DLG2: variants seen among roughly 807,000 people sequenced by gnomAD.
DLG2 encodes the protein disks large homolog 2.
In DLG2, 45 loss-of-function variants were observed where a neutral mutation model predicts 132.5. The ratio of observed to expected loss-of-function variants is 0.34; its 90% CI spans 0.27 to 0.44. The LOEUF (loss-of-function observed/expected upper bound fraction) is 0.44. DLG2 is among the 20% of genes least tolerant of loss of function. The probability of loss-of-function intolerance (pLI) is 1.00; values close to 1 mark genes in which losing one functional copy is unlikely to be tolerated. For synonymous variants in DLG2, 424 were observed against 419.6 expected, an observed-to-expected ratio of 1.01 and a Z score of -0.13; for missense variants, 1,045 against 1,196.9, an observed-to-expected ratio of 0.87 and a Z score of 1.87.
intron 18 of DLG2, among the ~76,000 whole-genome samples, chr11:83,655,862 A>C (rs2072243176): frequency 6.6e-6 from 1 of 152,204 alleles, no homozygotes; most frequent in Admixed American, 6.5e-5. Context: ...AATTGCTGTC[A>C]CATACTGTTT....
At chr11:84,235,165 C>T (rs1305635034) in intron 8 of DLG2, among the ~76,000 whole-genome samples, 1 of 152,134 alleles carries the variant, frequency 6.6e-6, no homozygotes, top group Non-Finnish European at 1.5e-5. Flanking sequence ...GAAAGCCCAC[C>T]CCCTACTCTC....
chr11:83,852,926 C>G (rs935164266), intron 16 of DLG2, among the ~76,000 whole-genome samples: 1 of 152,180 alleles, frequency 6.6e-6, no homozygotes, highest in Non-Finnish European at 1.5e-5. Flanking sequence ...GCCCTTAGAG[C>G]AGAGGTTAGC....
chr11:84,868,757 T>A (rs1361683887), intron 6 of DLG2, among the ~76,000 whole-genome samples: 1 of 152,106 alleles, frequency 6.6e-6, no homozygotes, highest in Non-Finnish European at 1.5e-5. Context: ...TGCCAATATC[T>A]CAGACAAAAC....
At chr11:84,516,469 A>G (rs2099273395) in intron 7 of DLG2, among the ~76,000 whole-genome samples, 1 of 151,676 alleles carries the variant, frequency 6.6e-6, no homozygotes, top group African/African-American at 2.4e-5. Flanking sequence ...ATAACCTAGA[A>G]GGAATGGATA....
At chr11:85,192,695 A>C (rs1332189566) in intron 4 of DLG2, among the ~76,000 whole-genome samples, 1 of 152,128 alleles carries the variant, frequency 6.6e-6, no homozygotes, top group African/African-American at 2.4e-5. Context: ...ACCAAATCCT[A>C]TTACTTTTGC....
intron 4 of DLG2, among the ~76,000 whole-genome samples, chr11:85,256,949 C>G (rs1216577931): frequency 6.6e-6 from 1 of 152,070 alleles, no homozygotes; most frequent in East Asian, 1.9e-4. Context: ...AGCAAGCTAA[C>G]TCAAAAGTCT....
At chr11:84,529,228 C>G (rs1398458218) in intron 7 of DLG2, among the ~76,000 whole-genome samples, 1 of 152,122 alleles carries the variant, frequency 6.6e-6, no homozygotes, top group Non-Finnish European at 1.5e-5. Context: ...CCTTGAAAAC[C>G]AGAACAAGAC....
intron 10 of DLG2, among the ~76,000 whole-genome samples, chr11:84,080,158 C>A (rs2096883271): frequency 6.6e-6 from 1 of 152,122 alleles, no homozygotes; most frequent in South Asian, 2.1e-4. Flanking sequence ...GTCTGAAGCA[C>A]AACAGAATAC....
At chr11:84,057,292 C>T (rs1282773864) in intron 11 of DLG2, among the ~76,000 whole-genome samples, 2 of 152,130 alleles carry the variant, frequency 1.3e-5, no homozygotes, top group Non-Finnish European at 2.9e-5. Context: ...AGAAGAAGGT[C>T]TATAAATGCA....
At chr11:85,340,899 T>A (rs1318443827) in intron 3 of DLG2, among the ~76,000 whole-genome samples, 1 of 152,224 alleles carries the variant, frequency 6.6e-6, no homozygotes, top group Admixed American at 6.5e-5. Context: ...TCATTTCTTA[T>A]ATTTAGATCC....
intron 6 of DLG2, among the ~76,000 whole-genome samples, chr11:85,077,198 A>G (rs1318402569): frequency 6.6e-6 from 1 of 152,050 alleles, no homozygotes; most frequent in African/African-American, 2.4e-5. Flanking sequence ...TATAATAACA[A>G]TGATCACCAT....
intron 8 of DLG2, among the ~76,000 whole-genome samples, chr11:84,184,122 T>C (rs948034961): frequency 4.6e-5 from 7 of 152,136 alleles, no homozygotes; most frequent in Non-Finnish European, 8.8e-5. Context: ...AATGGTATTT[T>C]TAGTTCTAGA....
intron 6 of DLG2, among the ~76,000 whole-genome samples, chr11:84,729,092 T>C (rs1032026393): frequency 2.6e-5 from 4 of 152,168 alleles, no homozygotes; most frequent in Admixed American, 1.3e-4. Context: ...CTCCTTCAGT[T>C]CTGCTCTGAT....
intron 3 of DLG2, among the ~76,000 whole-genome samples, chr11:85,462,886 G>T (rs182248662): frequency 1.3e-5 from 2 of 152,208 alleles, no homozygotes; most frequent in Non-Finnish European, 2.9e-5. Context: ...GTTAAATGAG[G>T]TCAGAAAGGT....
chr11:84,921,898 A>G (rs1363322507), intron 6 of DLG2, among the ~76,000 whole-genome samples: 1 of 152,156 alleles, frequency 6.6e-6, no homozygotes, highest in Non-Finnish European at 1.5e-5. Context: ...ATTGACTGCT[A>G]AAGTTCATTT....
At chr11:85,069,864 T>G (rs547594462) in intron 6 of DLG2, among the ~76,000 whole-genome samples, 1 of 152,116 alleles carries the variant, frequency 6.6e-6, no homozygotes, top group East Asian at 1.9e-4. Context: ...GTATGTTTAT[T>G]GTGGCACTAT....
chr11:85,181,039 TTTA>T (rs201914002), intron 4 of DLG2, among the ~76,000 whole-genome samples: 2 of 151,576 alleles, frequency 1.3e-5, no homozygotes, highest in East Asian at 1.9e-4. Flanking sequence ...TTATCAATTG[TTTA>T]TTATTTAATA....
At chr11:84,854,145 G>A (rs910237486) in intron 6 of DLG2, among the ~76,000 whole-genome samples, 1 of 151,426 alleles carries the variant, frequency 6.6e-6, no homozygotes, top group African/African-American at 2.4e-5. Context: ...ATTAAGGACA[G>A]AAATGTCTTC....
chr11:83,700,975 G>A (rs1214332920), intron 18 of DLG2, among the ~76,000 whole-genome samples: 1 of 152,108 alleles, frequency 6.6e-6, no homozygotes, highest in Admixed American at 6.5e-5. Context: ...AGTTTCTTTT[G>A]AATTAAAACA....
Sources: gnomAD v4.1 joint callset for allele counts (sites outside exome capture counted in the v4.1 genomes callset) on GRCh38, gnomAD v4.1.1 for gene constraint, MANE v1.5 for transcripts, NCBI Gene and HGNC (gene_info 2026-07-23, HGNC 2026-07-21) for gene names.